Variants in XYLT1 observed in about 807,000 individuals in gnomAD.
The protein encoded by XYLT1 is beta-D-xylosyltransferase 1.
XYLT1 carries 36 observed loss-of-function variants against 91.3 expected under a neutral mutation model. That is an observed-to-expected ratio of 0.39 (90% CI 0.30 to 0.52). The LOEUF (loss-of-function observed/expected upper bound fraction) is 0.52. Among genes scored for constraint, XYLT1 ranks in the 20% least tolerant of loss-of-function variants. The pLI is 0.68. For missense variants in XYLT1, 1,242 were observed against 1,284.5 expected (o/e 0.97, Z 0.51); for synonymous variants, 588 against 532.0 (o/e 1.11, Z -1.45).
chr16:17,311,870 T>A (rs151188643), intron 2 of XYLT1, among the ~76,000 whole-genome samples: 2,807 of 152,058 alleles, frequency 0.018, 46 homozygotes, highest in Non-Finnish European at 0.031. Context: ...CAAAAGGGGT[T>A]TCCCCTTATA....
rs2141579127 is a variant in XYLT1, at chr16:17,190,886, T to TA, written c.1289+7325dup. Among the ~76,000 whole-genome samples the TA allele has an allele frequency of 1.3e-5, 2 of 152,358 alleles. 1 individual carries two copies. Among genetic ancestry groups the TA allele is most frequent in the East Asian group, 3.9e-4 (2 of 5,184 alleles). ...AAAAAAGGATCATGATTCTACAGTT[T>TA]ACTGGCTGTAGCCTTGGGGTCAAGT... On this transcript the variant is annotated intron_variant, in intron 5 of 11. Coordinates refer to ENST00000261381, the MANE Select transcript of XYLT1 (RefSeq NM_022166.4).
intron 2 of XYLT1, among the ~76,000 whole-genome samples, chr16:17,337,966 G>A (rs1240973756): frequency 1.3e-5 from 2 of 151,742 alleles, no homozygotes; most frequent in African/African-American, 4.8e-5. Context: ...TAGTAGAAAC[G>A]GGGTTTCGCC....
intron 2 of XYLT1, among the ~76,000 whole-genome samples, chr16:17,337,830 G>A (rs1170156781): frequency 7.1e-6 from 1 of 140,692 alleles, no homozygotes; most frequent in Non-Finnish European, 1.5e-5. Context: ...ACCCAGGCTG[G>A]AGCGCAGTGA....
intron 2 of XYLT1, among the ~76,000 whole-genome samples, chr16:17,322,762 A>G (rs2034743757): frequency 6.6e-6 from 1 of 152,152 alleles, no homozygotes; most frequent in Non-Finnish European, 1.5e-5. Flanking sequence ...GCTCCCCTTC[A>G]TAGCATTTCA....
chr16:17,159,188 G>C lies in XYLT1; in HGVS notation c.1290-279C>G, dbSNP rs140286354. The stretch of plus-strand genomic sequence containing the variant: ...CAAGTGTGGTGCTCCACATGTTTGG[G>C]AATCTCCAGTGCCTGGCACTGGGCT... On this transcript the variant is annotated intron_variant, in intron 5 of 11. Coordinates refer to ENST00000261381, the MANE Select transcript of XYLT1 (RefSeq NM_022166.4). 4.6e-5 allele frequency among the ~76,000 whole-genome samples: 7 copies of C among 152,228 alleles called. No homozygotes were observed. The East Asian group carries it at 1.2e-3, about 25-fold the overall frequency.
intron 2 of XYLT1, among the ~76,000 whole-genome samples, chr16:17,332,668 C>T (rs2141839702): frequency 6.6e-6 from 1 of 151,638 alleles, no homozygotes; most frequent in South Asian, 2.1e-4. Context: ...TTCCAAAGTC[C>T]CTCTCTAGAG....
At chr16:17,214,742 T>G (rs2032824109) in intron 3 of XYLT1, among the ~76,000 whole-genome samples, 1 of 152,152 alleles carries the variant, frequency 6.6e-6, no homozygotes, top group Non-Finnish European at 1.5e-5. Context: ...CCAGGACCAG[T>G]ATGTGGTATG....
chr16:17,296,269 TG>T (rs3217693), intron 2 of XYLT1, among the ~76,000 whole-genome samples: 69,191 of 151,844 alleles, frequency 0.46, 17,945 homozygotes, highest in African/African-American at 0.7. Context: ...TAGCAAGGCC[TG>T]GGGGGTGTTG....
chr16:17,182,688 G>T (rs111719286), intron 5 of XYLT1, among the ~76,000 whole-genome samples: 1 of 130,512 alleles, frequency 7.7e-6, no homozygotes, highest in East Asian at 2.7e-4. Context: ...TTAGGCATAT[G>T]TGGGGGGTGG....
At chr16:17,138,175 C>CCTGAAGTAAGTGCTCAATAAACA in intron 8 of XYLT1, 180 bp downstream of exon 8, 1 of 673,914 alleles carries the variant, frequency 1.5e-6, no homozygotes, top group South Asian at 2.3e-5. Flanking sequence ...TTAGAACATC[C>CCTGAAGTAAGTGCTCAATAAACA]CTGAAGTAAG....
chr16:17,325,018 G>A (rs892550124), intron 2 of XYLT1, among the ~76,000 whole-genome samples: 2 of 151,978 alleles, frequency 1.3e-5, no homozygotes, highest in Non-Finnish European at 2.9e-5. Flanking sequence ...TATCTATTAT[G>A]TGGTTCAAAA....
At chr16:17,413,522 T>C (rs1362329700) in intron 1 of XYLT1, among the ~76,000 whole-genome samples, 8 of 151,678 alleles carry the variant, frequency 5.3e-5, no homozygotes, top group Non-Finnish European at 1.0e-4. Context: ...CTCAGCTCAC[T>C]GCAGCCTCAA....
At chr16:17,150,243 C>G (rs2031248745) in intron 6 of XYLT1, among the ~76,000 whole-genome samples, 1 of 152,186 alleles carries the variant, frequency 6.6e-6, no homozygotes, top group South Asian at 2.1e-4. Context: ...AGCCATTTCT[C>G]TCAGGCCCAC....
At chr16:17,460,026 T>C (rs1258288579) in intron 1 of XYLT1, among the ~76,000 whole-genome samples, 1 of 152,204 alleles carries the variant, frequency 6.6e-6, no homozygotes, top group Non-Finnish European at 1.5e-5. Flanking sequence ...AAGCACTTTC[T>C]CATCTGTTTA....
chr16:17,370,930 C>T (rs2035523908), intron 1 of XYLT1, among the ~76,000 whole-genome samples: 1 of 152,190 alleles, frequency 6.6e-6, no homozygotes, highest in Non-Finnish European at 1.5e-5. Flanking sequence ...CCGCCCCAGA[C>T]ACATGTCCTT....
At position 17,346,725 on chromosome 16, in the gene XYLT1, G is replaced by T. The variant is rs189806589; in HGVS notation, c.402+11287C>A. Among the ~76,000 whole-genome samples, 6 of 152,234 alleles carry T rather than the reference G, an allele frequency of 3.9e-5. No individual in the cohort carries two copies. The East Asian group carries it at 1.2e-3, about 29-fold the overall frequency. On this transcript the variant is annotated intron_variant, in intron 2 of 11. Transcript: ENST00000261381. ...ACTGGGCCAGTGAACGTGGAGACTG[G>T]TCATCTGACCAAGAACTCTCTTTGA...
intron 2 of XYLT1, among the ~76,000 whole-genome samples, chr16:17,317,311 A>G (rs151259715): frequency 6.6e-6 from 1 of 152,192 alleles, no homozygotes; most frequent in Non-Finnish European, 1.5e-5. Context: ...TGGTAAATGA[A>G]TGCCCAAATT....
At chr16:17,303,300 G>A (rs1055828604) in intron 2 of XYLT1, among the ~76,000 whole-genome samples, 4 of 152,248 alleles carry the variant, frequency 2.6e-5, no homozygotes, top group South Asian at 4.1e-4. Flanking sequence ...AACCACTCCC[G>A]TTCATTTGCA....
At chr16:17,151,429 T>C (rs2031280859) in intron 6 of XYLT1, among the ~76,000 whole-genome samples, 2 of 151,660 alleles carry the variant, frequency 1.3e-5, no homozygotes, top group South Asian at 4.2e-4. Flanking sequence ...AAAAGAAAAA[T>C]AAAAAGAACC....
Sources: gnomAD v4.1 joint callset for allele counts (sites outside exome capture counted in the v4.1 genomes callset) on GRCh38, gnomAD v4.1.1 for gene constraint, MANE v1.5 for transcripts, NCBI Gene and HGNC (gene_info 2026-07-23, HGNC 2026-07-21) for gene names.